KANK4: variants seen among roughly 807,000 people sequenced by gnomAD.
The protein encoded by KANK4 is KN motif and ankyrin repeat domain-containing protein 4.
Under a neutral mutation model 80.8 loss-of-function variants are expected in KANK4, and 50 were observed. The observed-to-expected ratio is 0.62, with a 90% CI of 0.49 to 0.78. The LOEUF (loss-of-function observed/expected upper bound fraction) is 0.78. KANK4 is among the 30% of genes least tolerant of loss of function. KANK4 has a pLI of 0.00. For missense variants in KANK4, 1,196 were observed against 1,240.1 expected (o/e 0.96, Z 0.53); for synonymous variants, 465 against 506.9 (o/e 0.92, Z 1.11).
chr1:62,296,739 C>A (rs1368221742), intron 1 of KANK4, among the ~76,000 whole-genome samples: 1 of 151,844 alleles, frequency 6.6e-6, no homozygotes, highest in African/African-American at 2.4e-5. Context: ...AGTGTTTTGG[C>A]ATGTTGTCCA....
At chr1:62,273,169 T>C in intron 3 of KANK4, 35 bp downstream of exon 3, 2 of 1,376,574 alleles carry the variant, frequency 1.5e-6, no homozygotes, top group Middle Eastern at 2.5e-4. Context: ...GAGAAATGGC[T>C]CCCTGTCTCA....
intron 5 of KANK4, among the ~76,000 whole-genome samples, 170 bp from the exon 6 acceptor site, chr1:62,266,989 G>T (rs112624935): frequency 6.6e-6 from 1 of 152,112 alleles, no homozygotes; most frequent in African/African-American, 2.4e-5. Flanking sequence ...GGTGTGTGCC[G>T]ATGTGACTTG....
At chr1:62,242,541 C>T (rs567358036) in intron 9 of KANK4, among the ~76,000 whole-genome samples, 119 of 152,126 alleles carry the variant, frequency 7.8e-4, no homozygotes, top group African/African-American at 2.6e-3. Context: ...AGTTTTCAAT[C>T]TGATGGGTGC....
chr1:62,271,403 G>T (rs982618665), intron 4 of KANK4, 75 bp downstream of exon 4: 2 of 988,264 alleles, frequency 2.0e-6, no homozygotes, highest in Non-Finnish European at 3.3e-6. Flanking sequence ...CCTCCCCCTA[G>T]GAAAAGAGAG....
chr1:62,272,776 T>TA (rs1411077900), intron 3 of KANK4: 2 of 152,384 alleles, frequency 1.3e-5, no homozygotes, highest in East Asian at 3.8e-4. Flanking sequence ...TTCCTGGAAG[T>TA]ACTAAAATCT....
chr1:62,316,920 C>G (rs1176013564), intron 1 of KANK4, among the ~76,000 whole-genome samples: 1 of 152,140 alleles, frequency 6.6e-6, no homozygotes, highest in Non-Finnish European at 1.5e-5. Context: ...GCATTTGCCT[C>G]TATCTTGTCA....
At chr1:62,250,382 C>T (rs879782838) in intron 8 of KANK4, among the ~76,000 whole-genome samples, 42 of 152,296 alleles carry the variant, frequency 2.8e-4, no homozygotes, top group Admixed American at 2.6e-3. Flanking sequence ...ATTGTCCTCC[C>T]GGTCCCTTTC....
chr1:62,238,180 G>A lies in KANK4; in HGVS notation c.*97C>T. 1 of 734,560 alleles carries A rather than the reference G, an allele frequency of 1.4e-6. No individual in the cohort carries two copies. Among genetic ancestry groups the A allele is most frequent in the Non-Finnish European group, 2.3e-6 (1 of 429,806 alleles). 45.5% of individuals were successfully genotyped at this position (734,560 alleles called of 1,614,324 possible). On this transcript the variant is annotated 3_prime_UTR_variant, in exon 10 of 10. Transcript: ENST00000371153. ...TTGACATAGTTTCTTCTCTAGAAGG[G>A]TGGCTCTCTGGCCTGTGACCTCTGC...
intron 2 of KANK4, among the ~76,000 whole-genome samples, chr1:62,278,747 C>T (rs1380481702): frequency 6.6e-6 from 1 of 151,904 alleles, no homozygotes; most frequent in Non-Finnish European, 1.5e-5. Flanking sequence ...CCCATCCCCT[C>T]GCAAAGAAAC....
chr1:62,275,908 G>A (rs1312833850), intron 2 of KANK4, among the ~76,000 whole-genome samples: 1 of 139,736 alleles, frequency 7.2e-6, no homozygotes, highest in Non-Finnish European at 1.6e-5. Context: ...GGAAGGGGAA[G>A]GGGAAGGGAA....
chr1:62,266,494 ACACACACAC>A (rs998960506), intron 6 of KANK4, among the ~76,000 whole-genome samples: 8 of 149,540 alleles, frequency 5.3e-5, no homozygotes, highest in African/African-American at 1.2e-4. Context: ...CCACTGCCTC[ACACACACAC>A]CACTCACACC....
rs1221449013 is a variant in KANK4, at chr1:62,274,241, G to C, written c.863C>G (p.Pro288Arg). 2 of 1,614,132 alleles carry C rather than the reference G, an allele frequency of 1.2e-6. No homozygotes were observed. The highest frequency in any genetic ancestry group is 4.5e-5 in the East Asian group (2 of 44,874). ...TPGSPTPSPPPLPSPIPENEL... is the reference protein window; with the variant it reads ...TPGSPTPSPPRLPSPIPENEL... ...ATTCTCAGGGATGGGTGATGGCAGA[G>C]GTGGCGGGCTTGGCGTAGGGGAGCC... Residue 288 changes from proline to arginine, a missense_variant, in exon 3 of 10, where the codon CCT (proline) becomes CGT (arginine). Around this residue, in one of 3 missense-constraint regions of KANK4, gnomAD observed 1,154 missense variants for 1,179.6 expected, o/e 0.98. Coordinates refer to ENST00000371153, the MANE Select transcript of KANK4 (RefSeq NM_181712.5).
In KANK4 at chr1:62,280,930, T is replaced by C. The variant is rs139267383; in HGVS notation, c.16+619A>G. On this transcript the variant is annotated intron_variant, in intron 2 of 9. Coordinates refer to ENST00000371153, the MANE Select transcript of KANK4 (RefSeq NM_181712.5). The stretch of plus-strand genomic sequence containing the variant: ...CCAGTGGGTCAACAGCAATATGACA[T>C]ATGCAGAGACTGGAACATTATCTGC... Among the ~76,000 whole-genome samples, 326 of 152,134 alleles carry C rather than the reference T, an allele frequency of 2.1e-3. 3 individuals are homozygous for C. Among genetic ancestry groups the C allele is most frequent in the African/African-American group, 7.4e-3 (305 of 41,390 alleles).
chr1:62,256,670 G>A (rs1029949103), intron 7 of KANK4, among the ~76,000 whole-genome samples: 18 of 152,002 alleles, frequency 1.2e-4, no homozygotes, highest in Admixed American at 5.9e-4. Context: ...GGCATGAGCC[G>A]TCGCGCCTGG....
At chr1:62,285,271 T>C (rs1228280786) in intron 1 of KANK4, among the ~76,000 whole-genome samples, 1 of 152,056 alleles carries the variant, frequency 6.6e-6, no homozygotes, top group Non-Finnish European at 1.5e-5. Flanking sequence ...AAAGAAGTGG[T>C]CACTTGGCAG....
rs760553836 is a variant in KANK4, at chr1:62,273,570, G to A, written c.1534C>T (p.Pro512Ser). ...EEAGTEQEGG[P>S]QGGTRGAGGF... ...CCTGCTCCCCTGGTTCCTCCCTGAG[G>A]GCCTCCTTCCTGTTCAGTGCCTGCT... Residue 512 changes from proline (P) to serine (S), a missense_variant, in exon 3 of 10, where the codon CCT becomes TCT. By Grantham distance (74) the Pro-to-Ser change is moderately conservative (BLOSUM62 -1). Transcript: ENST00000371153. The A allele has an allele frequency of 3.7e-6, 6 of 1,614,028 alleles. No individual in the cohort carries two copies. In the South Asian group the frequency reaches 6.6e-5, roughly 18 times the overall value.
chr1:62,265,640 G>A (rs3889509), intron 6 of KANK4, among the ~76,000 whole-genome samples: 8,390 of 152,208 alleles, frequency 0.055, 332 homozygotes, highest in African/African-American at 0.12. Context: ...TGAATTGATC[G>A]TTTTTACTTC....
At chr1:62,284,151 G>T (rs2149154820) in intron 1 of KANK4, among the ~76,000 whole-genome samples, 1 of 152,254 alleles carries the variant, frequency 6.6e-6, no homozygotes, top group African/African-American at 2.4e-5. Context: ...TTCCTCCATG[G>T]TCCTAGCAAC....
intron 1 of KANK4, among the ~76,000 whole-genome samples, chr1:62,290,702 T>C (rs1672660898): frequency 6.6e-6 from 1 of 152,058 alleles, no homozygotes; most frequent in Admixed American, 6.6e-5. Flanking sequence ...AATAAATAGA[T>C]GGATGCATGG....
Sources: gnomAD v4.1 joint callset for allele counts (sites outside exome capture counted in the v4.1 genomes callset) on GRCh38, gnomAD v4.1.1 for gene constraint, gnomAD v4.1.1 regional missense constraint, MANE v1.5 for transcripts, NCBI Gene and HGNC (gene_info 2026-07-23, HGNC 2026-07-21) for gene names.